The following HSPA4 variants were observed in gnomAD, a reference collection of about 807,000 sequenced individuals.
HSPA4 encodes heat shock 70 kDa protein 4.
In HSPA4, 25 loss-of-function variants were observed where a neutral mutation model predicts 106.2. The observed-to-expected ratio is 0.24, with a 90% CI of 0.17 to 0.33. The LOEUF (loss-of-function observed/expected upper bound fraction) is 0.33, where lower values mean the gene tolerates loss of function less well. HSPA4 is among the 10% of genes least tolerant of loss of function. The probability of loss-of-function intolerance (pLI) is 1.00; values close to 1 mark genes in which losing one functional copy is unlikely to be tolerated. For missense variants in HSPA4, 841 were observed against 996.0 expected (o/e 0.84, Z 2.10); for synonymous variants, 332 against 333.6 (o/e 1.00, Z 0.05).
At chr5:133,077,352 C>T (rs942838174) in intron 7 of HSPA4, among the ~76,000 whole-genome samples, 2 of 152,172 alleles carry the variant, frequency 1.3e-5, no homozygotes, top group Non-Finnish European at 2.9e-5. Flanking sequence ...ATTCTCCTGC[C>T]TCAGCCTCCT....
rs1765293964 is a variant in HSPA4, at chr5:133,065,320, T to G, written c.165+283T>G. Among the ~76,000 whole-genome samples the G allele has an allele frequency of 2.0e-5, 3 of 152,374 alleles. No homozygotes were observed. The South Asian group carries it at 6.2e-4, about 32-fold the overall frequency. ...AAAACAATCCAGTGTAACAACTACTTACATAGCATTTACATTGTATTAGGT... is the reference window on the plus strand; with the variant it reads ...AAAACAATCCAGTGTAACAACTACTGACATAGCATTTACATTGTATTAGGT... On this transcript the variant is annotated intron_variant, in intron 2 of 18. Coordinates refer to ENST00000304858, the MANE Select transcript of HSPA4 (RefSeq NM_002154.4).
rs1554090695 is a variant in HSPA4 at position 133,106,161 on chromosome 5, T to TG, written c.*1729dup. On this transcript the variant is annotated 3_prime_UTR_variant, in exon 19 of 19. Coordinates refer to ENST00000304858, the MANE Select transcript of HSPA4 (RefSeq NM_002154.4). ...TTTTTGGTGTGTGTGTGTGTGTGTGTGGGGAAGGGTGTGGGTGCTGGGATG... is the reference window on the plus strand; with the variant it reads ...TTTTTGGTGTGTGTGTGTGTGTGTGTGGGGGAAGGGTGTGGGTGCTGGGATG... 3.9e-5 allele frequency: 4 copies of TG among 101,334 alleles called. No homozygotes were observed. The highest frequency in any genetic ancestry group is 1.8e-5 in the Non-Finnish European group (1 of 54,900). The allele number at this position is 101,334 out of a possible 1,614,324, so 6.3% of individuals were successfully genotyped here.
At position 133,092,847 on chromosome 5, in the gene HSPA4, G is replaced by GTT. The variant is rs1488722416; in HGVS notation, c.1650+60_1650+61dup. ...TTTTTTTTTTTTTTTTTGAGACAGA[G>GTT]TTTCAGTCTGTTGCCCAGGCTGGAG... On this transcript the variant is annotated intron_variant, in intron 13 of 18. Coordinates refer to ENST00000304858, the MANE Select transcript of HSPA4 (RefSeq NM_002154.4). 4 of 841,466 alleles carry GTT rather than the reference G, an allele frequency of 4.8e-6. 1 individual carries two copies. The Admixed American group carries it at 1.5e-4, about 31-fold the overall frequency. The allele number at this position is 841,466 out of a possible 1,614,324, so 52.1% of individuals were successfully genotyped here.
chr5:133,070,699 C>G (rs1030163767), intron 4 of HSPA4, among the ~76,000 whole-genome samples: 4 of 152,028 alleles, frequency 2.6e-5, no homozygotes, highest in Admixed American at 2.0e-4. Flanking sequence ...GTCAGGAGTT[C>G]GAGACCAGCC....
chr5:133,052,360 A>G lies in HSPA4; in HGVS notation c.107+3A>G, dbSNP rs1420540319. 1 of 1,537,394 alleles carries G rather than the reference A, an allele frequency of 6.5e-7. No homozygotes were observed. The highest frequency in any genetic ancestry group is 1.9e-5 in the Admixed American group (1 of 51,830). ...GAGTATAGCGACCGCTGCACGCCGT[A>G]AGTGTGGGCCGGGCCTGCCGCGTGC... On this transcript the variant is annotated splice_donor_region_variant and intron_variant, in intron 1 of 18. Transcript: ENST00000304858.
chr5:133,089,441 A>T, intron 10 of HSPA4, 121 bp from the exon 11 acceptor site: 1 of 882,738 alleles, frequency 1.1e-6, no homozygotes, highest in Non-Finnish European at 1.7e-6. Context: ...ATAATCTGGA[A>T]ATAATACCAA....
At position 133,104,466 on chromosome 5, in the gene HSPA4, T is replaced by G; in HGVS notation, c.*30T>G. ...AACACTTGTTTCTATTAAAACAGAC[T>G]ATTATAAAGCTTTAAGTTGTCAACT... On this transcript the variant is annotated 3_prime_UTR_variant, in exon 19 of 19. Coordinates refer to ENST00000304858, the MANE Select transcript of HSPA4 (RefSeq NM_002154.4). 1 of 1,581,508 alleles carries G rather than the reference T, an allele frequency of 6.3e-7. No individual in the cohort carries two copies.
intron 1 of HSPA4, among the ~76,000 whole-genome samples, chr5:133,059,191 T>TAATCCCA (rs1765205064): frequency 6.6e-6 from 1 of 151,416 alleles, no homozygotes. Flanking sequence ...CTCGTGCCTG[T>TAATCCCA]AATCCCAGCA....
chr5:133,084,257 T>G (rs73264447), intron 7 of HSPA4, among the ~76,000 whole-genome samples: 3,460 of 152,322 alleles, frequency 0.023, 132 homozygotes, highest in African/African-American at 0.075. Context: ...TTTGTTTGTT[T>G]CACATGCCAT....
rs1025184254 is a variant in HSPA4, at chr5:133,079,730, C to T, written c.908+2832C>T. ...TCTCAGTGATTATCCCCACCAGCGC[C>T]CTACTGGGTTTCAGTTTCTCCACGT... On this transcript the variant is annotated intron_variant, in intron 7 of 18. Coordinates refer to ENST00000304858, the MANE Select transcript of HSPA4 (RefSeq NM_002154.4). Among the ~76,000 whole-genome samples the T allele has an allele frequency of 5.9e-5, 9 of 152,280 alleles. No individual in the cohort carries two copies. In the East Asian group the frequency reaches 1.7e-3, roughly 29 times the overall value.
intron 16 of HSPA4, among the ~76,000 whole-genome samples, 173 bp downstream of exon 16, chr5:133,099,825 A>G (rs1765762892): frequency 6.6e-6 from 1 of 152,302 alleles, no homozygotes; most frequent in Middle Eastern, 3.4e-3. Context: ...AGAACCTTGT[A>G]ATAACAAAAT....
At chr5:133,055,992 C>G (rs139302776) in intron 1 of HSPA4, among the ~76,000 whole-genome samples, 1 of 152,114 alleles carries the variant, frequency 6.6e-6, no homozygotes, top group Non-Finnish European at 1.5e-5. Flanking sequence ...GCAGAAGAAT[C>G]GCTTGAACCT....
chr5:133,085,471 G>T (rs1257225763), intron 7 of HSPA4, among the ~76,000 whole-genome samples: 1 of 113,514 alleles, frequency 8.8e-6, no homozygotes, highest in Admixed American at 8.1e-5. Context: ...GACCAACATG[G>T]TGAAATCCCA....
At chr5:133,072,649 C>T (rs1164312789) in intron 4 of HSPA4, among the ~76,000 whole-genome samples, 1 of 151,352 alleles carries the variant, frequency 6.6e-6, no homozygotes, top group Non-Finnish European at 1.5e-5. Context: ...TCAGGTGATC[C>T]ACCCACCACG....
chr5:133,084,539 C>T (rs1424709529), intron 7 of HSPA4, among the ~76,000 whole-genome samples: 1 of 151,992 alleles, frequency 6.6e-6, no homozygotes, highest in Non-Finnish European at 1.5e-5. Flanking sequence ...GTCCTGATCT[C>T]GGCTCACTGC....
At chr5:133,097,549 CTTTTTTT>C (rs551499462) in intron 15 of HSPA4, among the ~76,000 whole-genome samples, 1 of 127,586 alleles carries the variant, frequency 7.8e-6, no homozygotes, top group Non-Finnish European at 1.6e-5. Flanking sequence ...CTTTTCTTTT[CTTTTTTT>C]TTTTTTTTTG....
intron 15 of HSPA4, among the ~76,000 whole-genome samples, chr5:133,097,660 TC>T (rs891501470): frequency 9.3e-5 from 14 of 149,872 alleles, no homozygotes; most frequent in Admixed American, 2.7e-4. Flanking sequence ...GCAGTTCTCC[TC>T]CCCCAGCCTC....
chr5:133,073,473 T>C, intron 5 of HSPA4, 144 bp downstream of exon 5: 1 of 611,536 alleles, frequency 1.6e-6, no homozygotes, highest in Non-Finnish European at 2.9e-6. Flanking sequence ...TTTTGGATAC[T>C]GTGTCACTTG....
rs777591317 is a variant in HSPA4 at position 133,067,516 on chromosome 5, T to A, written c.265T>A (p.Tyr89Asn). 1 of 1,613,736 alleles carries A rather than the reference T, an allele frequency of 6.2e-7. No individual in the cohort carries two copies. Among genetic ancestry groups the A allele is most frequent in the African/African-American group, 1.3e-5 (1 of 74,940 alleles). ...GGAGGCAGAAAAATCTAACCTTGCA[T>A]ATGATATTGTGCAGTTGCCTACAGG... ...FVEAEKSNLA[Y>N]DIVQLPTGLT... Residue 89 changes from tyrosine to asparagine, a missense_variant, in exon 3 of 19, where the codon TAT becomes AAT. Physicochemically the swap from Tyr to Asn is moderately radical, Grantham distance 143. Transcript: ENST00000304858.
Sources: gnomAD v4.1 joint callset for allele counts (sites outside exome capture counted in the v4.1 genomes callset) on GRCh38, gnomAD v4.1.1 for gene constraint, MANE v1.5 for transcripts, NCBI Gene and HGNC (gene_info 2026-07-23, HGNC 2026-07-21) for gene names.